RPS6KC1: variants seen among roughly 807,000 people sequenced by gnomAD.
RPS6KC1 encodes the protein ribosomal protein S6 kinase C1, also known as inactive ribosomal protein S6 kinase delta-1.
In RPS6KC1, 54 loss-of-function variants were observed where a neutral mutation model predicts 103.8. The ratio of observed to expected loss-of-function variants is 0.52; its 90% CI spans 0.42 to 0.65. RPS6KC1 has a LOEUF of 0.65. Among genes scored for constraint, RPS6KC1 ranks in the 30% least tolerant of loss-of-function variants. The pLI is 0.00. For synonymous variants in RPS6KC1, 439 were observed against 438.7 expected (o/e 1.00, Z -0.01); for missense variants, 1,151 against 1,253.8 (o/e 0.92, Z 1.24).
At chr1:213,308,653 C>T in the RPS6KC1 span, among the ~76,000 whole-genome samples, 9 of 152,162 alleles carry the variant, frequency 5.9e-5, no homozygotes, top group African/African-American at 1.9e-4. Context: ...TCTAAGTATT[C>T]ATTATCCGAG....
the RPS6KC1 span, among the ~76,000 whole-genome samples, chr1:213,362,635 G>T: frequency 1.3e-5 from 2 of 152,156 alleles, no homozygotes; most frequent in African/African-American, 4.8e-5. Flanking sequence ...AGTCCTGGGG[G>T]CACAACTGGC....
At chr1:213,216,390 A>G (rs978660925) in intron 8 of RPS6KC1, among the ~76,000 whole-genome samples, 2 of 152,208 alleles carry the variant, frequency 1.3e-5, no homozygotes, top group African/African-American at 4.8e-5. Flanking sequence ...CGAGACCTAC[A>G]AAGAGACTTA....
At chr1:213,175,714 C>G (rs924130219) in intron 7 of RPS6KC1, among the ~76,000 whole-genome samples, 25 of 152,162 alleles carry the variant, frequency 1.6e-4, no homozygotes, top group African/African-American at 6.0e-4. Flanking sequence ...AGCTAACAGA[C>G]TGTTTTCCAC....
At chr1:213,710,883 C>A in the RPS6KC1 span, among the ~76,000 whole-genome samples, 1 of 152,182 alleles carries the variant, frequency 6.6e-6, no homozygotes, top group Non-Finnish European at 1.5e-5. Context: ...GCAGAGAGAT[C>A]CACTCTTTGT....
At chr1:213,079,029 A>G (rs909991981) in intron 3 of RPS6KC1, among the ~76,000 whole-genome samples, 1 of 152,160 alleles carries the variant, frequency 6.6e-6, no homozygotes, top group African/African-American at 2.4e-5. Context: ...GAATCTTGCT[A>G]TGTATGATTT....
chr1:213,363,632 T>TGC, the RPS6KC1 span, among the ~76,000 whole-genome samples: 1 of 26,270 alleles, frequency 3.8e-5, no homozygotes, highest in East Asian at 7.0e-4. Context: ...CTTGCTTTCT[T>TGC]TCTTTCTTTC....
chr1:213,785,646 A>T, the RPS6KC1 span, among the ~76,000 whole-genome samples: 1 of 152,142 alleles, frequency 6.6e-6, no homozygotes, highest in Non-Finnish European at 1.5e-5. Flanking sequence ...CCTGCCGTGG[A>T]TGGGGAGATA....
At chr1:213,839,975 T>G in the RPS6KC1 span, 1 of 152,170 alleles carries the variant, frequency 6.6e-6, no homozygotes, top group Middle Eastern at 3.2e-3. Flanking sequence ...ATCTGCCTAT[T>G]TGTAAATGGG....
At chr1:213,611,039 A>T in the RPS6KC1 span, among the ~76,000 whole-genome samples, 1 of 152,186 alleles carries the variant, frequency 6.6e-6, no homozygotes, top group African/African-American at 2.4e-5. Context: ...TCCTCACTGC[A>T]TCATGTGTGA....
the RPS6KC1 span, among the ~76,000 whole-genome samples, chr1:213,716,913 G>T: frequency 6.6e-6 from 1 of 152,060 alleles, no homozygotes; most frequent in Non-Finnish European, 1.5e-5. Flanking sequence ...TGAGAAAACC[G>T]ATGCAAACTA....
At chr1:213,598,466 G>A in the RPS6KC1 span, among the ~76,000 whole-genome samples, 2,073 of 151,938 alleles carry the variant, frequency 0.014, 31 homozygotes, top group Non-Finnish European at 0.02. Context: ...CTCTCTTTGG[G>A]GCCTCAGTTT....
chr1:213,601,902 T>TTTCCC, the RPS6KC1 span, among the ~76,000 whole-genome samples: 1 of 150,170 alleles, frequency 6.7e-6, no homozygotes, highest in Non-Finnish European at 1.5e-5. Flanking sequence ...TCCTTCCCTC[T>TTTCCC]TTCCCTTCCC....
the RPS6KC1 span, among the ~76,000 whole-genome samples, chr1:213,574,114 C>A: frequency 6.6e-6 from 1 of 152,190 alleles, no homozygotes; most frequent in African/African-American, 2.4e-5. Context: ...AGAAACAGGG[C>A]AAGTTAGTAT....
the RPS6KC1 span, among the ~76,000 whole-genome samples, chr1:213,320,877 G>A: frequency 3.9e-5 from 6 of 152,232 alleles, no homozygotes; most frequent in Non-Finnish European, 7.3e-5. Context: ...TTTATGGGCA[G>A]CCTGTCCTGT....
At chr1:213,753,907 C>G in the RPS6KC1 span, among the ~76,000 whole-genome samples, 1 of 152,176 alleles carries the variant, frequency 6.6e-6, no homozygotes, top group Non-Finnish European at 1.5e-5. Flanking sequence ...TGAGGGGATA[C>G]AGGCAAGCGC....
chr1:213,071,107 G>T, intron 2 of RPS6KC1, 66 bp downstream of exon 2: 1 of 939,912 alleles, frequency 1.1e-6, no homozygotes, highest in South Asian at 1.6e-5. Context: ...CTTTTTTGAG[G>T]AAATTGCCTG....
the RPS6KC1 span, among the ~76,000 whole-genome samples, chr1:213,350,014 T>G: frequency 6.6e-6 from 1 of 152,064 alleles, no homozygotes; most frequent in Non-Finnish European, 1.5e-5. Context: ...TGAATACTCT[T>G]TTTAAGTCCC....
chr1:213,307,823 T>C, the RPS6KC1 span, among the ~76,000 whole-genome samples: 9 of 152,126 alleles, frequency 5.9e-5, no homozygotes, highest in Admixed American at 5.9e-4. Context: ...ACCGACATGG[T>C]CAATTTCTGG....
At chr1:213,179,992 G>A (rs2148345707) in intron 8 of RPS6KC1, among the ~76,000 whole-genome samples, 1 of 152,310 alleles carries the variant, frequency 6.6e-6, no homozygotes, top group Middle Eastern at 3.4e-3. Context: ...AACTCAGAAA[G>A]TGTTTACCCA....
Sources: allele counts gnomAD v4.1 joint callset (sites outside exome capture counted in the v4.1 genomes callset), GRCh38; gene constraint gnomAD v4.1.1; transcripts MANE v1.5; gene names NCBI Gene and HGNC (gene_info 2026-07-23, HGNC 2026-07-21).